The following RGS7 variants were observed in gnomAD, a reference collection of about 807,000 sequenced individuals.
The protein encoded by RGS7 is regulator of G protein signaling 7.
A neutral mutation model predicts 81.1 loss-of-function variants in RGS7; 27 were observed. The observed-to-expected ratio is 0.33, with a 90% confidence interval of 0.25 to 0.46. RGS7 has a LOEUF of 0.46. Among genes scored for constraint, RGS7 ranks in the 20% least tolerant of loss-of-function variants. RGS7 has a pLI of 1.00. For synonymous variants in RGS7, 208 were observed against 207.7 expected, an observed-to-expected ratio of 1.00 and a Z score of -0.01; for missense variants, 396 against 607.4, an observed-to-expected ratio of 0.65 and a Z score of 3.66.
At chr1:241,275,579 C>A (rs1285669700) in intron 2 of RGS7, among the ~76,000 whole-genome samples, 1 of 152,188 alleles carries the variant, frequency 6.6e-6, no homozygotes, top group Non-Finnish European at 1.5e-5. Context: ...TTAAGATCAA[C>A]TGGTAGATCT....
rs1663850839 is a variant in RGS7, at chr1:240,868,371, C to T, written c.609+216G>A. On this transcript the variant is annotated intron_variant, in intron 9 of 18. Coordinates refer to ENST00000440928, the MANE Select transcript of RGS7 (RefSeq NM_001364886.1). The surrounding 1 kb of genome is among the most constrained non-coding windows in gnomAD (Gnocchi z 5.1). Reference sequence around the variant, plus strand: ...TAGCAAGAGAGTAAGCAAGCGATATCATGGTGGGAAAATGCATGGTTTTAT... The same window carrying T: ...TAGCAAGAGAGTAAGCAAGCGATATTATGGTGGGAAAATGCATGGTTTTAT... Among the ~76,000 whole-genome samples the T allele has an allele frequency of 1.3e-5, 2 of 152,124 alleles. No individual in the cohort carries two copies. Among genetic ancestry groups the T allele is most frequent in the South Asian group, 4.1e-4 (2 of 4,826 alleles).
chr1:241,255,071 T>G (rs2077000137), intron 2 of RGS7, among the ~76,000 whole-genome samples: 1 of 152,210 alleles, frequency 6.6e-6, no homozygotes, highest in Non-Finnish European at 1.5e-5. Flanking sequence ...GAAACTAGCT[T>G]GCTAAAGTTC....
chr1:241,051,407 A>G (rs905905915), intron 3 of RGS7, among the ~76,000 whole-genome samples: 1 of 152,168 alleles, frequency 6.6e-6, no homozygotes, highest in Non-Finnish European at 1.5e-5. Context: ...ATTCAAATGA[A>G]TTACACTCTG....
At chr1:240,802,829 C>T (rs1435575614) in intron 16 of RGS7, 75 bp downstream of exon 16, 58 of 948,178 alleles carry the variant, frequency 6.1e-5, no homozygotes, top group Non-Finnish European at 9.4e-5. Flanking sequence ...ACCCTGGATT[C>T]AGCAGAGGTA....
At chr1:240,790,321 T>C (rs969311154) in intron 18 of RGS7, among the ~76,000 whole-genome samples, 2 of 152,132 alleles carry the variant, frequency 1.3e-5, no homozygotes, top group Non-Finnish European at 2.9e-5. Flanking sequence ...TTTTAATTTA[T>C]AAATTTGTTT....
At chr1:241,295,211 G>A (rs2079335800) in intron 2 of RGS7, among the ~76,000 whole-genome samples, 1 of 152,100 alleles carries the variant, frequency 6.6e-6, no homozygotes. Flanking sequence ...CACTTTGGGA[G>A]GCCAAGGCGG....
intron 2 of RGS7, among the ~76,000 whole-genome samples, chr1:241,259,983 C>T (rs1343810554): frequency 6.6e-6 from 1 of 152,070 alleles, no homozygotes; most frequent in Non-Finnish European, 1.5e-5. Flanking sequence ...TTTGTTGAAT[C>T]GTCAAGACCA....
At chr1:241,032,989 C>T (rs785543) in intron 3 of RGS7, among the ~76,000 whole-genome samples, 73,990 of 151,946 alleles carry the variant, frequency 0.49, 18,910 homozygotes, top group African/African-American at 0.63. Flanking sequence ...TCTTGACTGA[C>T]TGCTCTGGCT....
chr1:241,229,583 A>G (rs1008837536), intron 2 of RGS7, among the ~76,000 whole-genome samples: 5 of 152,318 alleles, frequency 3.3e-5, no homozygotes, highest in Admixed American at 1.3e-4. Flanking sequence ...ATTTGAAGAG[A>G]CAGAAATGGG....
At chr1:240,791,290 A>T (rs1685963349) in intron 18 of RGS7, among the ~76,000 whole-genome samples, 1 of 152,234 alleles carries the variant, frequency 6.6e-6, no homozygotes, top group African/African-American at 2.4e-5. Context: ...ATTGACAAAA[A>T]CAATGACAAC....
chr1:241,306,748 C>G (rs747742143), intron 2 of RGS7, among the ~76,000 whole-genome samples: 43 of 152,002 alleles, frequency 2.8e-4, no homozygotes, highest in Non-Finnish European at 5.1e-4. Context: ...CGTCCCCACA[C>G]TCGCACACAT....
intron 2 of RGS7, among the ~76,000 whole-genome samples, chr1:241,259,542 C>T (rs545576261): frequency 4.7e-5 from 7 of 149,988 alleles, no homozygotes; most frequent in South Asian, 4.2e-4. Flanking sequence ...CTCAGCTACT[C>T]GGGAGGCTAA....
rs151189255 is a variant in RGS7 at position 241,267,017 on chromosome 1, T to C, written c.78+88682A>G. Among the ~76,000 whole-genome samples, 146 of 152,288 alleles carry C rather than the reference T, an allele frequency of 9.6e-4. 1 individual carries two copies. Among genetic ancestry groups the C allele is most frequent in the African/African-American group, 3.3e-3 (137 of 41,558 alleles). On this transcript the variant is annotated intron_variant, in intron 2 of 18. Coordinates refer to ENST00000440928, the MANE Select transcript of RGS7 (RefSeq NM_001364886.1). Reference sequence around the variant, plus strand: ...CGAGTTAAAACCAGTGCTTTACTAGTCCTACAAATCCGGAAATCATTCAGA... The same window carrying C: ...CGAGTTAAAACCAGTGCTTTACTAGCCCTACAAATCCGGAAATCATTCAGA...
intron 6 of RGS7, among the ~76,000 whole-genome samples, chr1:240,908,600 G>T (rs1203700760): frequency 6.6e-6 from 1 of 152,064 alleles, no homozygotes; most frequent in East Asian, 1.9e-4. Context: ...CTCCCTCCCT[G>T]CCAGGTAAAA....
intron 2 of RGS7, among the ~76,000 whole-genome samples, chr1:241,101,524 A>T (rs767514681): frequency 5.3e-5 from 8 of 152,124 alleles, no homozygotes; most frequent in South Asian, 2.1e-4. Flanking sequence ...AATAAATAAA[A>T]AAGAAAGAAA....
chr1:241,259,908 G>C (rs2077244879), intron 2 of RGS7, among the ~76,000 whole-genome samples: 1 of 151,750 alleles, frequency 6.6e-6, no homozygotes, highest in African/African-American at 2.4e-5. Context: ...GACCATCTAG[G>C]CTTATTTCTT....
chr1:240,977,135 CACACAT>C (rs1463296275), intron 4 of RGS7, among the ~76,000 whole-genome samples: 3 of 135,836 alleles, frequency 2.2e-5, no homozygotes, highest in African/African-American at 7.8e-5. Context: ...CACACACACA[CACACAT>C]TGCTTTGTCC....
At chr1:241,252,985 G>A (rs2076905380) in intron 2 of RGS7, among the ~76,000 whole-genome samples, 1 of 152,196 alleles carries the variant, frequency 6.6e-6, no homozygotes, top group Admixed American at 6.5e-5. Context: ...TTTGGGGAAA[G>A]CCAATGTAAT....
intron 6 of RGS7, among the ~76,000 whole-genome samples, chr1:240,895,887 A>T (rs531075937): frequency 5.9e-5 from 9 of 152,216 alleles, no homozygotes; most frequent in Non-Finnish European, 1.2e-4. Context: ...TGGTTGACCT[A>T]GTTTACAGTC....
Sources: allele counts gnomAD v4.1 joint callset (sites outside exome capture counted in the v4.1 genomes callset), GRCh38; gene constraint gnomAD v4.1.1; non-coding constraint Gnocchi (gnomAD v3.1); transcripts MANE v1.5; gene names NCBI Gene and HGNC (gene_info 2026-07-23, HGNC 2026-07-21).